Variants in ENTREP2 observed in about 807,000 individuals in gnomAD.
The protein encoded by ENTREP2 is endosomal transmembrane epsin interactor 2, also known as protein ENTREP2.
the ENTREP2 span, among the ~76,000 whole-genome samples, chr15:29,520,416 G>A: frequency 1.3e-5 from 2 of 152,128 alleles, no homozygotes; most frequent in African/African-American, 4.8e-5. Context: ...TTCAACCTGT[G>A]ATATGTGACC....
the ENTREP2 span, among the ~76,000 whole-genome samples, chr15:29,618,747 T>TAAA: frequency 5.3e-5 from 8 of 151,942 alleles, no homozygotes; most frequent in African/African-American, 1.9e-4. Flanking sequence ...CAGTGTGCCC[T>TAAA]GAAGGAGACT....
the ENTREP2 span, among the ~76,000 whole-genome samples, chr15:29,666,171 G>GAA: frequency 1.2e-4 from 18 of 148,926 alleles, no homozygotes; most frequent in African/African-American, 3.9e-4. Context: ...CGTCTTTTGT[G>GAA]AAAAAAAAAA....
At chr15:29,422,060 G>T in the ENTREP2 span, among the ~76,000 whole-genome samples, 1 of 152,058 alleles carries the variant, frequency 6.6e-6, no homozygotes, top group Non-Finnish European at 1.5e-5. Flanking sequence ...CTGAGGTCAG[G>T]AGTTCAAAAC....
the ENTREP2 span, among the ~76,000 whole-genome samples, chr15:29,409,307 T>C: frequency 6.6e-6 from 1 of 152,178 alleles, no homozygotes; most frequent in Non-Finnish European, 1.5e-5. Context: ...TGTTTTCATA[T>C]TATACTCAGT....
At chr15:29,213,463 CT>C in the ENTREP2 span, among the ~76,000 whole-genome samples, 1 of 152,082 alleles carries the variant, frequency 6.6e-6, no homozygotes, top group Admixed American at 6.6e-5. Context: ...TCTTTTATTT[CT>C]TTGAGCAGTG....
the ENTREP2 span, among the ~76,000 whole-genome samples, chr15:29,339,317 G>A: frequency 6.6e-6 from 1 of 152,260 alleles, no homozygotes; most frequent in African/African-American, 2.4e-5. Context: ...AAATAAGGGA[G>A]AAACAGCAGG....
At chr15:29,319,734 G>T in the ENTREP2 span, among the ~76,000 whole-genome samples, 1 of 152,202 alleles carries the variant, frequency 6.6e-6, no homozygotes, top group African/African-American at 2.4e-5. Context: ...CTGAAGAGAT[G>T]GGAATGCACA....
chr15:29,338,298 G>A, the ENTREP2 span, among the ~76,000 whole-genome samples: 16 of 151,624 alleles, frequency 1.1e-4, no homozygotes, highest in African/African-American at 3.9e-4. Context: ...TAGGAGATGA[G>A]ACTAAGAAAC....
chr15:29,158,604 G>A, the ENTREP2 span, among the ~76,000 whole-genome samples: 4 of 151,956 alleles, frequency 2.6e-5, no homozygotes, highest in East Asian at 3.9e-4. Flanking sequence ...TAGAGATAGG[G>A]TTTCACCATG....
the ENTREP2 span, among the ~76,000 whole-genome samples, chr15:29,457,793 A>C: frequency 6.6e-6 from 1 of 152,188 alleles, no homozygotes; most frequent in Non-Finnish European, 1.5e-5. Context: ...CCAGATTTGC[A>C]GTTTGATTTT....
At chr15:29,240,305 A>C in the ENTREP2 span, among the ~76,000 whole-genome samples, 2 of 151,792 alleles carry the variant, frequency 1.3e-5, no homozygotes, top group Admixed American at 6.6e-5. Flanking sequence ...CGGAGGTTGC[A>C]GTGAGCAGAG....
At chr15:29,365,515 G>C in the ENTREP2 span, among the ~76,000 whole-genome samples, 12 of 152,044 alleles carry the variant, frequency 7.9e-5, no homozygotes, top group African/African-American at 2.9e-4. Context: ...GGCTCCCAAA[G>C]TGCTGGGATT....
the ENTREP2 span, among the ~76,000 whole-genome samples, chr15:29,221,928 A>G: frequency 6.6e-6 from 1 of 152,174 alleles, no homozygotes; most frequent in African/African-American, 2.4e-5. Flanking sequence ...TTGGGAAAAC[A>G]GTGTTTCAAA....
chr15:29,259,982 C>A, the ENTREP2 span, among the ~76,000 whole-genome samples: 1 of 152,230 alleles, frequency 6.6e-6, no homozygotes, highest in South Asian at 2.1e-4. Context: ...AACTGGTGTC[C>A]AGCTTTGTGT....
At chr15:29,538,468 G>A in the ENTREP2 span, among the ~76,000 whole-genome samples, 11 of 152,150 alleles carry the variant, frequency 7.2e-5, no homozygotes, top group Admixed American at 7.2e-4. Flanking sequence ...AACATGAAAA[G>A]ATAATCAAAG....
the ENTREP2 span, chr15:29,269,819 G>T: frequency 9.8e-7 from 1 of 1,018,076 alleles, no homozygotes; most frequent in African/African-American, 1.7e-5. Flanking sequence ...TGTCGGCTGA[G>T]ACTGCGTGCT....
the ENTREP2 span, among the ~76,000 whole-genome samples, chr15:29,615,898 C>T: frequency 6.6e-6 from 1 of 152,176 alleles, no homozygotes; most frequent in Non-Finnish European, 1.5e-5. Context: ...TCCAATACCA[C>T]CTTTGTTAAG....
At chr15:29,132,879 G>A in the ENTREP2 span, among the ~76,000 whole-genome samples, 1 of 152,094 alleles carries the variant, frequency 6.6e-6, no homozygotes, top group African/African-American at 2.4e-5. Context: ...GGGAGAACCG[G>A]GAAGCAGGCT....
the ENTREP2 span, among the ~76,000 whole-genome samples, chr15:29,366,985 T>C: frequency 6.6e-6 from 1 of 152,146 alleles, no homozygotes; most frequent in Non-Finnish European, 1.5e-5. Flanking sequence ...TGGAGAGAGA[T>C]GACATCAGAA....
Sources: gnomAD v4.1 joint callset for allele counts (sites outside exome capture counted in the v4.1 genomes callset) on GRCh38, gnomAD v4.1.1 for gene constraint, MANE v1.5 for transcripts, NCBI Gene and HGNC (gene_info 2026-07-23, HGNC 2026-07-21) for gene names.